TEKT1: variants seen among roughly 807,000 people sequenced by gnomAD.
TEKT1 encodes the protein tektin 1.
In TEKT1, 32 loss-of-function variants were observed where a neutral mutation model predicts 34.8. The ratio of observed to expected loss-of-function variants is 0.92; its 90% confidence interval spans 0.69 to 1.23. The LOEUF is 1.23. TEKT1 is among the 50% of genes most tolerant of loss of function. TEKT1 has a pLI of 0.00. For missense variants in TEKT1, 492 were observed against 518.5 expected (o/e 0.95, Z 0.50); for synonymous variants, 207 against 199.8 (o/e 1.04, Z -0.30).
chr17:6,815,770 T>C, intron 4 of TEKT1, 64 bp downstream of exon 4: 1 of 1,601,158 alleles, frequency 6.2e-7, no homozygotes, highest in African/African-American at 1.3e-5. Flanking sequence ...GCCCAGCTTT[T>C]GTGGACACTG....
In TEKT1 at chr17:6,800,018, G is replaced by GC. The variant is rs1322400871; in HGVS notation, c.*8dup. ...TGTGGTTTAATGAGAATTGGAACTA[G>GC]CCCTACTATTAGCAGACAGCATCAG... On this transcript the variant is annotated 3_prime_UTR_variant, in exon 8 of 8. Transcript: ENST00000338694. 6.2e-7 allele frequency: 1 copy of GC among 1,601,184 alleles called. No homozygotes were observed. Among genetic ancestry groups the GC allele is most frequent in the Non-Finnish European group, 8.5e-7 (1 of 1,178,786 alleles).
At chr17:6,824,738 G>A (rs1904349190) in intron 2 of TEKT1, among the ~76,000 whole-genome samples, 1 of 152,174 alleles carries the variant, frequency 6.6e-6, no homozygotes, top group African/African-American at 2.4e-5. Context: ...AGACCTATTT[G>A]AAGAGTGAAT....
At chr17:6,804,388 C>T (rs900228756) in intron 6 of TEKT1, among the ~76,000 whole-genome samples, 1 of 151,654 alleles carries the variant, frequency 6.6e-6, no homozygotes, top group African/African-American at 2.4e-5. Flanking sequence ...TCTAGATATA[C>T]AATCATGTCA....
chr17:6,803,927 T>G (rs1348389159), intron 6 of TEKT1, among the ~76,000 whole-genome samples: 1 of 152,112 alleles, frequency 6.6e-6, no homozygotes, highest in Admixed American at 6.6e-5. Flanking sequence ...GGCTTAGGAT[T>G]GACTTGGCAA....
chr17:6,819,506 T>G, intron 2 of TEKT1, 148 bp from the exon 3 acceptor site: 1 of 751,244 alleles, frequency 1.3e-6, no homozygotes, highest in Non-Finnish European at 2.0e-6. Flanking sequence ...TTTCATCTTT[T>G]TAAATGTTTA....
rs2151579898 is a variant in TEKT1 at position 6,799,119 on chromosome 17, A to G, written c.*908T>C. On this transcript the variant is annotated 3_prime_UTR_variant, in exon 8 of 8. Coordinates refer to ENST00000338694, the MANE Select transcript of TEKT1 (RefSeq NM_053285.2). ...CTTCCTTTGACAGTCACCCACATAG[A>G]TCTCTGACCTGCTGCAGCTCAGCGG... The G allele has an allele frequency of 6.6e-6, 1 of 152,310 alleles. No individual in the cohort carries two copies. The highest frequency in any genetic ancestry group is 2.1e-4 in the South Asian group (1 of 4,824). The allele number at this position is 152,310 out of a possible 1,614,324, so 9.4% of individuals were successfully genotyped here.
chr17:6,813,106 G>T, intron 5 of TEKT1, 53 bp from the exon 6 acceptor site: 2 of 1,501,888 alleles, frequency 1.3e-6, no homozygotes, highest in Non-Finnish European at 1.8e-6. Context: ...GGGGAAGGGG[G>T]TTGGGAGAGA....
intron 5 of TEKT1, among the ~76,000 whole-genome samples, chr17:6,814,302 C>T (rs1976972223): frequency 6.6e-6 from 1 of 152,154 alleles, no homozygotes; most frequent in Non-Finnish European, 1.5e-5. Flanking sequence ...AATGAGAATG[C>T]TTCAAACTTG....
intron 5 of TEKT1, chr17:6,814,944 A>T: frequency 2.0e-6 from 1 of 499,994 alleles, no homozygotes; most frequent in East Asian, 3.3e-5. Context: ...TATTCTTTAA[A>T]GGTTTAAAGG....
At chr17:6,821,818 CT>C (rs1357936364) in intron 2 of TEKT1, among the ~76,000 whole-genome samples, 1 of 152,212 alleles carries the variant, frequency 6.6e-6, no homozygotes, top group Admixed American at 6.5e-5. Context: ...AAAGTTCACT[CT>C]TCTTATGCTT....
intron 7 of TEKT1, among the ~76,000 whole-genome samples, 187 bp downstream of exon 7, chr17:6,800,560 G>A (rs1350035896): frequency 6.6e-6 from 1 of 152,164 alleles, no homozygotes; most frequent in East Asian, 1.9e-4. Flanking sequence ...ACTCAATATT[G>A]GGATCCATTT....
At chr17:6,800,332 T>C in intron 7 of TEKT1, 98 bp from the exon 8 acceptor site, 2 of 958,786 alleles carry the variant, frequency 2.1e-6, no homozygotes, top group South Asian at 3.3e-5. Flanking sequence ...GGAGCCAAAT[T>C]GATATGTGCT....
At chr17:6,815,011 G>T in intron 5 of TEKT1, 152 bp downstream of exon 5, 1 of 869,854 alleles carries the variant, frequency 1.1e-6, no homozygotes. Flanking sequence ...GGAGCCTCTG[G>T]GCCCAATGTC....
intron 6 of TEKT1, among the ~76,000 whole-genome samples, chr17:6,805,300 C>T (rs112274997): frequency 0.047 from 7,153 of 152,094 alleles, 226 homozygotes; most frequent in Admixed American, 0.065. Flanking sequence ...TCTGTGGGAT[C>T]GGTGGTGATA....
At chr17:6,807,410 C>T (rs549884364) in intron 6 of TEKT1, among the ~76,000 whole-genome samples, 100 of 152,114 alleles carry the variant, frequency 6.6e-4, no homozygotes, top group Middle Eastern at 3.4e-3. Flanking sequence ...GCCATGGGTT[C>T]GAACTTCCTC....
chr17:6,828,457 A>G (rs77141297), intron 2 of TEKT1, among the ~76,000 whole-genome samples: 1,906 of 152,332 alleles, frequency 0.013, 31 homozygotes, highest in African/African-American at 0.043. Flanking sequence ...CCAGTGTTAT[A>G]AATAAATTAA....
intron 6 of TEKT1, among the ~76,000 whole-genome samples, chr17:6,812,575 G>A (rs565755301): frequency 2.0e-5 from 3 of 152,280 alleles, no homozygotes; most frequent in African/African-American, 7.2e-5. Context: ...CCTGCCTCAG[G>A]GTTCTGTTCT....
intron 3 of TEKT1, among the ~76,000 whole-genome samples, chr17:6,817,427 A>T (rs117094755): frequency 0.081 from 12,367 of 152,202 alleles, 630 homozygotes; most frequent in Middle Eastern, 0.19. Flanking sequence ...AATAATAATA[A>T]CACCAATAGT....
At chr17:6,826,858 G>A (rs145446650) in intron 2 of TEKT1, among the ~76,000 whole-genome samples, 5 of 152,112 alleles carry the variant, frequency 3.3e-5, no homozygotes, top group Non-Finnish European at 7.4e-5. Flanking sequence ...ACCACGCCCA[G>A]CTAATTTTTA....
Sources: gnomAD v4.1 joint callset for allele counts (sites outside exome capture counted in the v4.1 genomes callset) on GRCh38, gnomAD v4.1.1 for gene constraint, MANE v1.5 for transcripts, NCBI Gene and HGNC (gene_info 2026-07-23, HGNC 2026-07-21) for gene names.